HSPA4L: variants seen among roughly 807,000 people sequenced by gnomAD.
HSPA4L encodes the protein heat shock protein family A (Hsp70) member 4 like.
A neutral mutation model predicts 100.3 loss-of-function variants in HSPA4L; 48 were observed. That is an observed-to-expected ratio of 0.48 (90% CI 0.38 to 0.61). The LOEUF (loss-of-function observed/expected upper bound fraction) is 0.61. Ranked by LOEUF, HSPA4L falls within the 20% of genes least tolerant of loss-of-function variation. HSPA4L has a pLI of 0.00. For missense variants in HSPA4L, 886 were observed against 988.6 expected, an observed-to-expected ratio of 0.90 and a Z score of 1.39; for synonymous variants, 319 against 328.2, an observed-to-expected ratio of 0.97 and a Z score of 0.30.
At chr4:127,812,442 T>A (rs1253200429) in intron 12 of HSPA4L, among the ~76,000 whole-genome samples, 4 of 151,872 alleles carry the variant, frequency 2.6e-5, no homozygotes, top group African/African-American at 9.7e-5. Context: ...ACAGATTTTT[T>A]AACTTTATTA....
intron 12 of HSPA4L, among the ~76,000 whole-genome samples, chr4:127,816,806 T>C (rs1335358436): frequency 6.6e-6 from 1 of 152,172 alleles, no homozygotes; most frequent in East Asian, 1.9e-4. Flanking sequence ...TGTGAAGAAA[T>C]TTTAGAAATA....
intron 1 of HSPA4L, chr4:127,783,566 A>G: frequency 2.0e-6 from 3 of 1,530,100 alleles, no homozygotes; most frequent in Non-Finnish European, 2.6e-6. Flanking sequence ...TTGGCAAGGA[A>G]TATAATGAAG....
chr4:127,809,035 C>G, intron 11 of HSPA4L: 1 of 479,522 alleles, frequency 2.1e-6, no homozygotes. Context: ...CTGGCAACAA[C>G]TAGAATGACT....
chr4:127,814,476 T>C (rs1733621164), intron 12 of HSPA4L, among the ~76,000 whole-genome samples: 1 of 152,202 alleles, frequency 6.6e-6, no homozygotes, highest in South Asian at 2.1e-4. Flanking sequence ...ACAGCTAATA[T>C]AATAAATATT....
chr4:127,823,145 T>A (rs184292828), intron 15 of HSPA4L, among the ~76,000 whole-genome samples: 33 of 150,702 alleles, frequency 2.2e-4, no homozygotes, highest in Non-Finnish European at 3.7e-4. Context: ...TGATTTTTAA[T>A]TTTTTTTTTA....
At chr4:127,830,875 TAATC>T (rs1734063476) in intron 18 of HSPA4L, 76 bp downstream of exon 18, 7 of 891,746 alleles carry the variant, frequency 7.8e-6, no homozygotes, top group South Asian at 2.8e-5. Flanking sequence ...CTTTGGCAAA[TAATC>T]AACTTGCAGA....
At chr4:127,802,717 T>C (rs1733224860) in intron 6 of HSPA4L, among the ~76,000 whole-genome samples, 1 of 152,154 alleles carries the variant, frequency 6.6e-6, no homozygotes, top group Non-Finnish European at 1.5e-5. Context: ...TCTTCCAAAA[T>C]ACACACCTGT....
intron 17 of HSPA4L, among the ~76,000 whole-genome samples, chr4:127,828,972 A>G (rs1734014868): frequency 6.6e-6 from 1 of 152,202 alleles, no homozygotes; most frequent in South Asian, 2.1e-4. Context: ...TTGTCAAACA[A>G]AACATTGAAC....
chr4:127,825,461 C>T (rs2148798717), intron 16 of HSPA4L, among the ~76,000 whole-genome samples: 1 of 152,138 alleles, frequency 6.6e-6, no homozygotes, highest in Non-Finnish European at 1.5e-5. Context: ...GGAAGGTGTG[C>T]AAAAGAAGTT....
In HSPA4L at chr4:127,837,569, T is replaced by C. The variant is rs538717902; in HGVS notation, c.*4695T>C. On this transcript the variant is annotated 3_prime_UTR_variant, in exon 19 of 19. Coordinates refer to ENST00000296464, the MANE Select transcript of HSPA4L (RefSeq NM_014278.4). ...AAGCAGTCAGTTTCAGAAGATACTT[T>C]TTATCAAAAAAGATGGCAGGTTTAA... is the stretch of plus-strand genomic sequence containing the variant. 3.3e-5 allele frequency: 5 copies of C among 152,332 alleles called. No individual in the cohort carries two copies. In the South Asian group the frequency reaches 8.3e-4, roughly 25 times the overall value. The allele number at this position is 152,332 out of a possible 1,614,324, so 9.4% of individuals were successfully genotyped here. A position where few individuals can be genotyped will look rare whatever the true frequency, so the allele number is the denominator to read the frequency against.
chr4:127,818,310 G>T lies in HSPA4L; in HGVS notation c.1579-15G>T. 6.4e-7 allele frequency: 1 copy of T among 1,553,762 alleles called. No homozygotes were observed. Among genetic ancestry groups the T allele is most frequent in the South Asian group, 1.1e-5 (1 of 87,832 alleles). Reference sequence around the variant, plus strand: ...AGACACTGCGTATATTATCAATTATGTATTTTCTTTCTAGGATAAAATGCA... The same window carrying T: ...AGACACTGCGTATATTATCAATTATTTATTTTCTTTCTAGGATAAAATGCA... On this transcript the variant is annotated splice_polypyrimidine_tract_variant and intron_variant, in intron 12 of 18. Coordinates refer to ENST00000296464, the MANE Select transcript of HSPA4L (RefSeq NM_014278.4).
At chr4:127,824,126 AGC>A (rs1338498596) in intron 16 of HSPA4L, among the ~76,000 whole-genome samples, 1 of 152,212 alleles carries the variant, frequency 6.6e-6, no homozygotes, top group Non-Finnish European at 1.5e-5. Flanking sequence ...TATTTCACTT[AGC>A]ATAATGTCCT....
In HSPA4L at chr4:127,798,657, A is replaced by G. The variant is rs1384706093; in HGVS notation, c.377A>G (p.Lys126Arg). 6.2e-7 allele frequency: 1 copy of G among 1,613,708 alleles called. No individual in the cohort carries two copies. Among genetic ancestry groups the G allele is most frequent in the African/African-American group, 1.3e-5 (1 of 74,916 alleles). Residue 126 changes from lysine to arginine, a missense_variant, in exon 4 of 19, where the codon AAA becomes AGA. Lys to Arg is a conservative substitution (Grantham distance 26). Transcript: ENST00000296464. ...QVTGMLLAKL[K>R]ETSENALKKP... is the part of the protein sequence containing the mutation. ...ACTGGAATGCTGTTAGCCAAGCTTA[A>G]AGAGACTTCAGAAAATGCTTTGAAG... is the stretch of plus-strand genomic sequence containing the variant.
rs1734309374 is a variant in HSPA4L at position 127,839,388 on chromosome 4, A to C, written c.*6514A>C. On this transcript the variant is annotated 3_prime_UTR_variant, in exon 19 of 19. Coordinates refer to ENST00000296464, the MANE Select transcript of HSPA4L (RefSeq NM_014278.4). ...GATCGCCTGAGCTCAGGAGTTCAAG[A>C]CCAGCCTGGGCAACATGGCAAAACC... The C allele has an allele frequency of 6.6e-6, 1 of 152,384 alleles. No individual in the cohort carries two copies. 9.4% of individuals were successfully genotyped at this position (152,384 alleles called of 1,614,324 possible).
At chr4:127,811,169 A>G (rs1451128142) in intron 11 of HSPA4L, among the ~76,000 whole-genome samples, 1 of 134,702 alleles carries the variant, frequency 7.4e-6, no homozygotes, top group African/African-American at 2.5e-5. Context: ...CCATGGTTAA[A>G]TTCCCAGTGC....
chr4:127,784,811 A>G (rs968437421), intron 1 of HSPA4L, among the ~76,000 whole-genome samples: 5 of 152,260 alleles, frequency 3.3e-5, no homozygotes, highest in African/African-American at 1.2e-4. Context: ...TAACTATTAG[A>G]TAACCTTTAA....
At chr4:127,805,043 T>C in intron 8 of HSPA4L, 30 bp from the exon 9 acceptor site, 6 of 1,487,064 alleles carry the variant, frequency 4.0e-6, no homozygotes, top group Non-Finnish European at 5.5e-6. Context: ...TTAAAGACTA[T>C]CATTTTTCTC....
rs188644041 is a variant in HSPA4L at position 127,808,464 on chromosome 4, A to G, written c.1378+335A>G. 2.0e-5 allele frequency among the ~76,000 whole-genome samples: 3 copies of G among 152,266 alleles called. No homozygotes were observed. In the East Asian group the frequency reaches 5.8e-4, roughly 29 times the overall value. On this transcript the variant is annotated intron_variant, in intron 11 of 18. Coordinates refer to ENST00000296464, the MANE Select transcript of HSPA4L (RefSeq NM_014278.4). ...ACTACTGACATACCATTTATTTTGTAGTAGGTATCATAATTAACCTAGAGA... is the reference window on the plus strand; with the variant it reads ...ACTACTGACATACCATTTATTTTGTGGTAGGTATCATAATTAACCTAGAGA...
At chr4:127,818,277 CAAA>C (rs745815461) in intron 12 of HSPA4L, 45 bp from the exon 13 acceptor site, 3 of 1,326,156 alleles carry the variant, frequency 2.3e-6, no homozygotes, top group South Asian at 1.3e-5. Context: ...ATTTTTAAAA[CAAA>C]AAAAAGACAC....
Sources: allele counts gnomAD v4.1 joint callset (sites outside exome capture counted in the v4.1 genomes callset), GRCh38; gene constraint gnomAD v4.1.1; transcripts MANE v1.5; gene names NCBI Gene and HGNC (gene_info 2026-07-23, HGNC 2026-07-21).